Variants in INF2 observed in about 807,000 individuals in gnomAD.
INF2 encodes the protein inverted formin-2.
A neutral mutation model predicts 123.5 loss-of-function variants in INF2; 43 were observed. The ratio of observed to expected loss-of-function variants is 0.35; its 90% CI spans 0.27 to 0.45. The LOEUF (loss-of-function observed/expected upper bound fraction) is 0.45, where lower values mean the gene tolerates loss of function less well. Among genes scored for constraint, INF2 ranks in the 20% least tolerant of loss-of-function variants. The pLI, the probability that INF2 is intolerant of heterozygous loss-of-function variation, is 1.00. For synonymous variants in INF2, 851 were observed against 745.0 expected (o/e 1.14, Z -2.32); for missense variants, 1,453 against 1,682.7 (o/e 0.86, Z 2.39).
At chr14:104,689,781 A>G in intron 1 of INF2, 42 bp downstream of exon 1, 1 of 975,266 alleles carries the variant, frequency 1.0e-6, no homozygotes, top group Non-Finnish European at 1.2e-6. Flanking sequence ...CTTCAGGGGA[A>G]ACTGAGTCCG....
rs1364131044 is a variant in INF2 at position 104,701,552 on chromosome 14, G to A, written c.187G>A (p.Gly63Ser). The A allele has an allele frequency of 2.5e-6, 4 of 1,608,650 alleles. No individual in the cohort carries two copies. Among genetic ancestry groups the A allele is most frequent in the Non-Finnish European group, 3.4e-6 (4 of 1,178,888 alleles). Residue 63 changes from glycine to serine, a missense_variant, in exon 2 of 23, where the codon GGC becomes AGC. Gly to Ser is a moderately conservative substitution (Grantham distance 56). Transcript: ENST00000392634. Reference sequence around the variant, plus strand: ...CAAGCGCCTGGAGGGCAGCGACGGCGGCTGGATGGTGCAGTTCCTGGAGCA... The same window carrying A: ...CAAGCGCCTGGAGGGCAGCGACGGCAGCTGGATGGTGCAGTTCCTGGAGCA... The part of the protein sequence containing the change: ...LRKRLEGSDG[G>S]WMVQFLEQSG...
chr14:104,718,821 TGA>T lies in INF2; in HGVS notation c.*34_*35del, dbSNP rs755411708. The T allele has an allele frequency of 6.2e-7, 1 of 1,612,754 alleles. No individual in the cohort carries two copies. Among genetic ancestry groups the T allele is most frequent in the Non-Finnish European group, 8.5e-7 (1 of 1,179,668 alleles). Reference sequence around the variant, plus strand: ...CCTCAGGCCCAGGCCCAAGGCCAAGTGAGAGAGCCCAGGCCACAGGACATGCT... The same window carrying T: ...CCTCAGGCCCAGGCCCAAGGCCAAGTGAGAGCCCAGGCCACAGGACATGCT... On this transcript the variant is annotated 3_prime_UTR_variant, in exon 23 of 23. Transcript: ENST00000392634.
At chr14:104,718,238 AC>A (rs1890405702) in intron 22 of INF2, among the ~76,000 whole-genome samples, 1 of 152,060 alleles carries the variant, frequency 6.6e-6, no homozygotes, top group Non-Finnish European at 1.5e-5. Flanking sequence ...TGGGGGTGAC[AC>A]TCAGACAAGG....
At chr14:104,698,864 C>T (rs1362228286) in intron 1 of INF2, among the ~76,000 whole-genome samples, 2 of 152,240 alleles carry the variant, frequency 1.3e-5, no homozygotes, top group East Asian at 3.8e-4. Flanking sequence ...CCCTGTTACA[C>T]TCACTGCCCC....
intron 15 of INF2, 63 bp downstream of exon 15, chr14:104,711,249 A>G: frequency 7.4e-7 from 1 of 1,343,252 alleles, no homozygotes; most frequent in South Asian, 1.3e-5. Flanking sequence ...TGGGGTGTAG[A>G]GGCGTAGAGG....
chr14:104,691,753 G>A (rs1230786547), intron 1 of INF2, among the ~76,000 whole-genome samples: 1 of 152,140 alleles, frequency 6.6e-6, no homozygotes, highest in Non-Finnish European at 1.5e-5. Flanking sequence ...CGTCGCTGGA[G>A]GGGTGAGCAG....
At chr14:104,687,619 G>A (rs942094750), upstream of INF2, among the ~76,000 whole-genome samples, 1 of 152,170 alleles carries the variant, frequency 6.6e-6, no homozygotes, top group Non-Finnish European at 1.5e-5. The surrounding 1 kb of genome is among the most constrained non-coding windows in gnomAD (Gnocchi z 5.6). Context: ...GCTCCGGCCT[G>A]TGCTGGCCTC....
chr14:104,703,468 C>G lies in INF2; in HGVS notation c.667+14C>G, dbSNP rs1203999772. ...ACGAGTTTATCGGTAAGCACCTGCC[C>G]TGGGCCGCATGCCCGCTCCTGCCCG... On this transcript the variant is annotated intron_variant, in intron 4 of 22. Coordinates refer to ENST00000392634, the MANE Select transcript of INF2 (RefSeq NM_022489.4). 1 of 1,610,266 alleles carries G rather than the reference C, an allele frequency of 6.2e-7. No homozygotes were observed. Among genetic ancestry groups the G allele is most frequent in the Non-Finnish European group, 8.5e-7 (1 of 1,179,904 alleles).
chr14:104,693,337 C>A (rs1889042144), intron 1 of INF2, among the ~76,000 whole-genome samples: 1 of 152,192 alleles, frequency 6.6e-6, no homozygotes, highest in Non-Finnish European at 1.5e-5. Context: ...CCCGGGCCCA[C>A]CTCACAGTGA....
rs750014286 is a variant in INF2, at chr14:104,703,948, C to A, written c.700C>A (p.Arg234=). Residue 234 remains arginine, a splice_region_variant and synonymous_variant, in exon 5 of 23, where the codon CGA becomes AGA. Coordinates refer to ENST00000392634, the MANE Select transcript of INF2 (RefSeq NM_022489.4). ...LQLLDVLARL[R]DLEDADLLIQ... is the part of the protein sequence containing the mutation. Reference sequence around the variant, plus strand: ...GCTGCTGGACGTCCTGGCTCGCCTGCGGTGAGTCCCCACTGTAGCGGTCCT... The same window carrying A: ...GCTGCTGGACGTCCTGGCTCGCCTGAGGTGAGTCCCCACTGTAGCGGTCCT... The A allele has an allele frequency of 6.2e-7, 1 of 1,610,154 alleles. No homozygotes were observed.
chr14:104,707,817 C>A lies in INF2; in HGVS notation c.1550C>A (p.Pro517His). The A allele has an allele frequency of 1.3e-6, 2 of 1,570,252 alleles. No homozygotes were observed. The highest frequency in any genetic ancestry group is 8.6e-7 in the Non-Finnish European group (1 of 1,156,550). Residue 517 changes from proline to histidine, a missense_variant, in exon 8 of 23, where the codon CCC becomes CAC. This residue lies in a region of INF2 where 374 missense variants were observed against 303.7 expected (regional missense o/e 1.23). Transcript: ENST00000392634. Reference protein sequence around the residue: ...LPGMGWGPPPPPPPLLPCTCS... With the variant: ...LPGMGWGPPPHPPPLLPCTCS... The stretch of plus-strand genomic sequence containing the variant: ...GGTATGGGCTGGGGCCCTCCTCCAC[C>A]CCCACCTCCACTACTGCCCTGCACC...
intron 1 of INF2, among the ~76,000 whole-genome samples, chr14:104,697,533 C>A (rs138319958): frequency 6.6e-6 from 1 of 152,378 alleles, no homozygotes; most frequent in East Asian, 1.9e-4. Context: ...CTGTCCCCAC[C>A]CACACCACAC....
In INF2 at chr14:104,711,089, C is replaced by T. The variant is rs1383669613; in HGVS notation, c.2321C>T (p.Thr774Ile). The T allele has an allele frequency of 1.9e-6, 3 of 1,598,070 alleles. No homozygotes were observed. In the Admixed American group the frequency reaches 5.2e-5, roughly 27 times the overall value. ...IGNFLNYGSHTGDADGFKIST... is the reference protein window; with the variant it reads ...IGNFLNYGSHIGDADGFKIST... ...CCCTGCCCCTCCCAGGGCAGCCACA[C>T]CGGTGACGCCGACGGCTTCAAGATC... The change falls in exon 15 of 23, where the codon ACC (threonine) becomes ATC (isoleucine). Residue 774 changes from threonine (T) to isoleucine (I), a missense_variant. Physicochemically the swap from Thr to Ile is moderately conservative, Grantham distance 89 (BLOSUM62 -1). This residue lies in a region of INF2 where 31 missense variants were observed against 86.0 expected (regional missense o/e 0.36). Transcript: ENST00000392634.
Position 104,707,966 on chromosome 14 carries a change from C to T in INF2, c.1699C>T (p.Leu567=), listed in dbSNP as rs2140670155. 1.9e-6 allele frequency: 3 copies of T among 1,598,478 alleles called. No homozygotes were observed. The highest frequency in any genetic ancestry group is 2.5e-6 in the Non-Finnish European group (3 of 1,179,724). Residue 567 remains leucine, a synonymous_variant, in exon 8 of 23, where the codon CTG becomes TTG. Transcript: ENST00000392634. Reference sequence around the variant, plus strand: ...CCCACCCACACTGCGCATGAAGAAGCTGAACTGGCAGAAGCTGCCATCCAA... The same window carrying T: ...CCCACCCACACTGCGCATGAAGAAGTTGAACTGGCAGAAGCTGCCATCCAA... The part of the protein sequence containing the change: ...VNPPTLRMKK[L]NWQKLPSNVA...
rs1889346590 is a variant in INF2 at position 104,699,135 on chromosome 14, G to A, written c.-9-2222G>A. 6.6e-6 allele frequency among the ~76,000 whole-genome samples: 1 copy of A among 152,052 alleles called. No homozygotes were observed. ...GTCCAGGGACACCCTGGGGCCTGGG[G>A]CACGGTGGCTCTCGGCGGCACTGCT... On this transcript the variant is annotated intron_variant, in intron 1 of 22. Coordinates refer to ENST00000392634, the MANE Select transcript of INF2 (RefSeq NM_022489.4). The surrounding 1 kb of genome is among the most constrained non-coding windows in gnomAD (Gnocchi z 4.7).
At chr14:104,685,999 G>A (rs117987592), upstream of INF2, among the ~76,000 whole-genome samples, 41 of 111,524 alleles carry the variant, frequency 3.7e-4, no homozygotes, top group South Asian at 6.4e-4. Flanking sequence ...GGATGGATGG[G>A]TAGGTGGGTG....
At position 104,705,959 on chromosome 14, in the gene INF2, C is replaced by T. The variant is rs553028282; in HGVS notation, c.702-76C>T. ...GGGCTGAGCGGGGCTGGTACACTGG[C>T]GCTGACCCAGGCTGCCCCGCCTGCG... On this transcript the variant is annotated intron_variant, in intron 5 of 22. Coordinates refer to ENST00000392634, the MANE Select transcript of INF2 (RefSeq NM_022489.4). 3.3e-5 allele frequency: 52 copies of T among 1,554,928 alleles called. No homozygotes were observed. In the Admixed American group the frequency reaches 7.4e-4, roughly 22 times the overall value.
chr14:104,704,434 C>G (rs151241701), intron 5 of INF2: 228 of 213,980 alleles, frequency 1.1e-3, no homozygotes, highest in African/African-American at 5.0e-3. Context: ...GGCTGCGGAC[C>G]GGTACCTGGC....
chr14:104,696,453 C>T (rs78433427), intron 1 of INF2, among the ~76,000 whole-genome samples: 1 of 152,254 alleles, frequency 6.6e-6, no homozygotes, highest in East Asian at 1.9e-4. Flanking sequence ...TGTGCACAGA[C>T]CCTCCCTGGG....
Sources: gnomAD v4.1 joint callset for allele counts (sites outside exome capture counted in the v4.1 genomes callset) on GRCh38, gnomAD v4.1.1 for gene constraint, gnomAD v4.1.1 regional missense constraint, Gnocchi (gnomAD v3.1) non-coding constraint, MANE v1.5 for transcripts, NCBI Gene and HGNC (gene_info 2026-07-23, HGNC 2026-07-21) for gene names.